NIN: variants seen among roughly 807,000 people sequenced by gnomAD.
The protein encoded by NIN is ninein.
NIN carries 137 observed loss-of-function variants against 257.6 expected under a neutral mutation model. The ratio of observed to expected loss-of-function variants is 0.53; its 90% CI spans 0.46 to 0.61. NIN has a LOEUF of 0.61. NIN is among the 20% of genes least tolerant of loss of function. NIN has a pLI of 0.00. For missense variants in NIN, 2,439 were observed against 2,501.2 expected (o/e 0.98, Z 0.53); for synonymous variants, 918 against 919.8 (o/e 1.00, Z 0.04).
chr14:50,773,478 C>A (rs1241850285), intron 7 of NIN, among the ~76,000 whole-genome samples: 1 of 152,200 alleles, frequency 6.6e-6, no homozygotes, highest in African/African-American at 2.4e-5. Context: ...GGTTGGACAT[C>A]TGTTACACTT....
At chr14:50,771,134 C>A (rs1441683851) in intron 10 of NIN, 142 bp from the exon 11 acceptor site, 18 of 1,186,606 alleles carry the variant, frequency 1.5e-5, no homozygotes, top group Non-Finnish European at 2.1e-5. Context: ...GGCACTCCAC[C>A]CTTCCCTTCA....
At chr14:50,786,426 C>T (rs1408304005) in intron 5 of NIN, among the ~76,000 whole-genome samples, 2 of 151,994 alleles carry the variant, frequency 1.3e-5, no homozygotes, top group African/African-American at 2.4e-5. Context: ...AGACAATTCC[C>T]GCTGGGATCA....
intron 18 of NIN, 69 bp from the exon 19 acceptor site, chr14:50,754,936 G>GTAAC (rs1389442963): frequency 3.6e-6 from 4 of 1,103,024 alleles, no homozygotes; most frequent in Non-Finnish European, 5.2e-6. Flanking sequence ...ATATTTTCTA[G>GTAAC]TAACTTCCAA....
In NIN at chr14:50,728,035, T is replaced by C. The variant is rs74406039; in HGVS notation, c.6078+1488A>G. On this transcript the variant is annotated intron_variant, in intron 29 of 30. Coordinates refer to ENST00000530997, the MANE Select transcript of NIN (RefSeq NM_020921.4). ...CTGGTGAGAGTAATAAGCCGTCCAC[T>C]CTGTCATCTGGTTGGAGGATTTTTT... Among the ~76,000 whole-genome samples, 1,212 of 151,432 alleles carry C rather than the reference T, an allele frequency of 8.0e-3. 18 individuals carry two copies. The highest frequency in any genetic ancestry group is 0.027 in the African/African-American group (1,125 of 41,178).
chr14:50,808,192 T>A lies in NIN; in HGVS notation c.184-1374A>T, dbSNP rs180839027. On this transcript the variant is annotated intron_variant, in intron 3 of 30. Transcript: ENST00000530997. ...CACAATCTTTGAAAGGGTAAACGAC[T>A]GTAGAAAGGTAGGCTATGTTAATTA... 1.2e-3 allele frequency among the ~76,000 whole-genome samples: 186 copies of A among 152,294 alleles called. 1 individual carries two copies. Among genetic ancestry groups the A allele is most frequent in the African/African-American group, 4.2e-3 (174 of 41,568 alleles).
chr14:50,798,158 A>G (rs922872602), intron 4 of NIN, among the ~76,000 whole-genome samples: 1 of 152,198 alleles, frequency 6.6e-6, no homozygotes, highest in Non-Finnish European at 1.5e-5. Context: ...TTCTGTGTGC[A>G]CTAAGCCCTT....
At chr14:50,732,381 A>C (rs2040756325) in intron 28 of NIN, among the ~76,000 whole-genome samples, 1 of 152,198 alleles carries the variant, frequency 6.6e-6, no homozygotes, top group African/African-American at 2.4e-5. Flanking sequence ...GTGAGCTGGG[A>C]CACACTGTGC....
In NIN at chr14:50,756,764, C is replaced by T; in HGVS notation, c.4266G>A (p.Arg1422=). 6.4e-7 allele frequency: 1 copy of T among 1,551,524 alleles called. No homozygotes were observed. Among genetic ancestry groups the T allele is most frequent in the South Asian group, 1.2e-5 (1 of 84,062 alleles). ...LHGTIQTHQE[R]PRVQNQVILE... The stretch of plus-strand genomic sequence containing the variant: ...GTATAACTTGATTCTGTACTCTTGG[C>T]CTTTCTTGATGTGTCTGAATTGTTC... The change falls in exon 18 of 31, where the codon AGG becomes AGA. Residue 1422 remains arginine, a synonymous_variant. Coordinates refer to ENST00000530997, the MANE Select transcript of NIN (RefSeq NM_020921.4).
chr14:50,761,702 T>G, intron 16 of NIN, 88 bp downstream of exon 16: 29 of 1,481,706 alleles, frequency 2.0e-5, no homozygotes, highest in Non-Finnish European at 2.4e-5. Flanking sequence ...TGCTGCTCTA[T>G]GAGAAAAAAG....
intron 3 of NIN, among the ~76,000 whole-genome samples, chr14:50,821,122 T>C (rs2045194854): frequency 6.6e-6 from 1 of 152,192 alleles, no homozygotes; most frequent in South Asian, 2.1e-4. Flanking sequence ...TATAAACCTA[T>C]TGATTATAAA....
chr14:50,734,981 C>T (rs1011023432), intron 28 of NIN, among the ~76,000 whole-genome samples: 12 of 152,022 alleles, frequency 7.9e-5, no homozygotes, highest in Admixed American at 5.2e-4. Context: ...CCACCATGTC[C>T]GGCCACAAAT....
chr14:50,796,597 T>C (rs1415150691), intron 4 of NIN, among the ~76,000 whole-genome samples: 2 of 152,152 alleles, frequency 1.3e-5, no homozygotes, highest in Non-Finnish European at 2.9e-5. Flanking sequence ...CAAATCAGGA[T>C]AAACCACCAT....
chr14:50,760,298 T>C lies in NIN; in HGVS notation c.1958A>G (p.Asn653Ser), dbSNP rs767427643. The change falls in exon 17 of 31, where the codon AAC becomes AGC. Residue 653 changes from asparagine to serine, a missense_variant. By Grantham distance (46) the Asn-to-Ser change is conservative. This residue lies in a region of NIN where 2,043 missense variants were observed against 2,050.2 expected (regional missense o/e 1.00). Coordinates refer to ENST00000530997, the MANE Select transcript of NIN (RefSeq NM_020921.4). ...TTCGTTCTCATGCCTTTGCTTCATG[T>C]TCTCCTGTGCCTTCTTGCAGCTGAC... is the stretch of plus-strand genomic sequence containing the variant. ...TVVSCKKAQE[N>S]MKQRHENETH... 1.1e-4 allele frequency: 172 copies of C among 1,608,782 alleles called. No individual in the cohort carries two copies. The highest frequency in any genetic ancestry group is 1.4e-4 in the Non-Finnish European group (168 of 1,179,974).
chr14:50,773,733 C>A (rs1422999789), intron 7 of NIN, among the ~76,000 whole-genome samples: 1 of 152,186 alleles, frequency 6.6e-6, no homozygotes, highest in African/African-American at 2.4e-5. Flanking sequence ...TAGAAGGGTT[C>A]CAAGACATGT....
chr14:50,795,189 T>TA (rs2043785032), intron 4 of NIN, among the ~76,000 whole-genome samples: 1 of 152,222 alleles, frequency 6.6e-6, no homozygotes, highest in South Asian at 2.1e-4. Flanking sequence ...AAAAATGGGT[T>TA]AAAGTTTTCT....
Position 50,738,216 on chromosome 14 carries a change from G to A in NIN, c.5699C>T (p.Pro1900Leu), listed in dbSNP as rs954773687. The change falls in exon 27 of 31, where the codon CCC becomes CTC. Residue 1900 changes from proline to leucine, a missense_variant. This residue lies in a region of NIN where 2,043 missense variants were observed against 2,050.2 expected (regional missense o/e 1.00). Coordinates refer to ENST00000530997, the MANE Select transcript of NIN (RefSeq NM_020921.4). Reference protein sequence around the residue: ...KHLNPSGTMNPTEQEKLSLKR... With the variant: ...KHLNPSGTMNLTEQEKLSLKR... ...TAAGCTCAATTTTTCTTGCTCTGTG[G>A]GATTCATGGTACCTGATGGGTTTAG... 3 of 1,613,904 alleles carry A rather than the reference G, an allele frequency of 1.9e-6. No individual in the cohort carries two copies. Among genetic ancestry groups the A allele is most frequent in the Non-Finnish European group, 2.5e-6 (3 of 1,179,966 alleles).
intron 12 of NIN, among the ~76,000 whole-genome samples, chr14:50,767,650 T>C (rs894675707): frequency 2.6e-5 from 4 of 152,024 alleles, no homozygotes; most frequent in African/African-American, 9.7e-5. Context: ...ACCCCGTCTC[T>C]ACTAAAAATA....
At position 50,792,847 on chromosome 14, in the gene NIN, T is replaced by A. The variant is rs749624103; in HGVS notation, c.300A>T (p.Arg100Ser). 4.3e-6 allele frequency: 7 copies of A among 1,614,184 alleles called. No homozygotes were observed. The highest frequency in any genetic ancestry group is 5.1e-6 in the Non-Finnish European group (6 of 1,180,044). Residue 100 changes from arginine to serine, a missense_variant, in exon 5 of 31, where the codon AGA becomes AGT. This residue lies in a region of NIN where 387 missense variants were observed against 427.3 expected (regional missense o/e 0.91). Coordinates refer to ENST00000530997, the MANE Select transcript of NIN (RefSeq NM_020921.4). ...CSLEAQPKYVRGGKRYGRRSL... is the reference protein window; with the variant it reads ...CSLEAQPKYVSGGKRYGRRSL... ...ACCTTCGTCCGTAACGCTTCCCACC[T>A]CTAACATATTTGGGCTGAGCTTCTA...
At position 50,770,768 on chromosome 14, in the gene NIN, C is replaced by T. The variant is rs1404586944; in HGVS notation, c.1259+84G>A. On this transcript the variant is annotated intron_variant, in intron 11 of 30. Transcript: ENST00000530997. ...AGGCTGACCAGAAGAGTCCCCAGTG[C>T]ACTGTTCTGCCCCTGCAGCTGCAGG... 2.0e-6 allele frequency: 3 copies of T among 1,487,434 alleles called. No individual in the cohort carries two copies. The African/African-American group carries it at 4.2e-5, about 21-fold the overall frequency. 92.1% of individuals were successfully genotyped at this position (1,487,434 alleles called of 1,614,324 possible). A position where few individuals can be genotyped will look rare whatever the true frequency, so the allele number is the denominator to read the frequency against.
Sources: allele counts gnomAD v4.1 joint callset (sites outside exome capture counted in the v4.1 genomes callset), GRCh38; gene constraint gnomAD v4.1.1; regional missense constraint gnomAD v4.1.1; transcripts MANE v1.5; gene names NCBI Gene and HGNC (gene_info 2026-07-23, HGNC 2026-07-21).